The following PAG1 variants were observed in gnomAD, a reference collection of about 807,000 sequenced individuals.
PAG1 encodes the protein phosphoprotein associated with glycosphingolipid-enriched microdomains 1.
PAG1 carries 23 observed loss-of-function variants against 31.7 expected under a neutral mutation model. That is an observed-to-expected ratio of 0.73 (90% CI 0.52 to 1.03). The LOEUF (loss-of-function observed/expected upper bound fraction) is 1.03, where lower values mean the gene tolerates loss of function less well. Among genes scored for constraint, PAG1 ranks in the 50% least tolerant of loss-of-function variants. PAG1 has a pLI of 0.00. For synonymous variants in PAG1, 214 were observed against 210.3 expected (o/e 1.02, Z -0.15); for missense variants, 473 against 540.7 (o/e 0.87, Z 1.24).
intron 1 of PAG1, among the ~76,000 whole-genome samples, chr8:81,090,323 C>G (rs1809425023): frequency 6.6e-6 from 1 of 152,188 alleles, no homozygotes; most frequent in Admixed American, 6.5e-5. Flanking sequence ...CTGATGCTTT[C>G]TATATATTAG....
rs1391203175 is a variant in PAG1 at position 80,968,032 on chromosome 8, C to T, written c.*8512G>A. On this transcript the variant is annotated 3_prime_UTR_variant, in exon 9 of 9. Transcript: ENST00000220597. ...GCAGAAACATACGAAAACAAATACC[C>T]ATTTCAGTTCCTCAGGTACCATTAC... 1.3e-5 allele frequency: 2 copies of T among 152,162 alleles called. No homozygotes were observed. Among genetic ancestry groups the T allele is most frequent in the Non-Finnish European group, 2.9e-5 (2 of 68,034 alleles). 9.4% of individuals were successfully genotyped at this position (152,162 alleles called of 1,614,324 possible). A position where few individuals can be genotyped will look rare whatever the true frequency, so the allele number is the denominator to read the frequency against.
chr8:81,037,947 A>G (rs1808487432), intron 2 of PAG1, among the ~76,000 whole-genome samples: 1 of 152,220 alleles, frequency 6.6e-6, no homozygotes, highest in South Asian at 2.1e-4. Context: ...TCTTGGCCTA[A>G]TGCACATGCC....
intron 3 of PAG1, among the ~76,000 whole-genome samples, chr8:81,017,411 A>C (rs1476605118): frequency 2.6e-5 from 4 of 152,294 alleles, no homozygotes; most frequent in African/African-American, 9.6e-5. Context: ...GCGCTCAATA[A>C]ATTTTAGCTC....
chr8:81,048,218 C>T (rs2130864884), intron 2 of PAG1, among the ~76,000 whole-genome samples: 1 of 152,284 alleles, frequency 6.6e-6, no homozygotes, highest in Non-Finnish European at 1.5e-5. Flanking sequence ...TTGTTCTTTT[C>T]CTTCTGCTCT....
chr8:81,006,446 G>A (rs1807878913), intron 3 of PAG1, among the ~76,000 whole-genome samples: 1 of 152,108 alleles, frequency 6.6e-6, no homozygotes, highest in African/African-American at 2.4e-5. Context: ...CTGTAGACAA[G>A]CCTCACTGTG....
chr8:81,024,787 G>C (rs893905384), intron 3 of PAG1, among the ~76,000 whole-genome samples: 2 of 152,056 alleles, frequency 1.3e-5, no homozygotes, highest in Non-Finnish European at 1.5e-5. Context: ...AACCAAATTT[G>C]GTTCTATCAT....
chr8:81,079,582 C>G (rs943884840), intron 1 of PAG1, among the ~76,000 whole-genome samples: 1 of 152,008 alleles, frequency 6.6e-6, no homozygotes, highest in African/African-American at 2.4e-5. Flanking sequence ...CTATTTCAGA[C>G]TGAGCATATG....
intron 3 of PAG1, among the ~76,000 whole-genome samples, chr8:81,009,153 C>T (rs530896199): frequency 2.6e-5 from 4 of 152,268 alleles, no homozygotes; most frequent in South Asian, 4.1e-4. Flanking sequence ...CAATTATCTT[C>T]GTCTAGCTCT....
rs548989123 is a variant in PAG1, at chr8:80,972,519, C to A, written c.*4025G>T. On this transcript the variant is annotated 3_prime_UTR_variant, in exon 9 of 9. Transcript: ENST00000220597. ...GAAACAGAATGCCACAGGTGACCGA[C>A]CTCTGCTCCTGCTACTTGGGAGTCA... 4 of 152,308 alleles carry A rather than the reference C, an allele frequency of 2.6e-5. No individual in the cohort carries two copies. In the South Asian group the frequency reaches 8.3e-4, roughly 32 times the overall value. The allele number at this position is 152,308 out of a possible 1,614,324, so 9.4% of individuals were successfully genotyped here. A position where few individuals can be genotyped will look rare whatever the true frequency, so the allele number is the denominator to read the frequency against.
chr8:80,988,131 C>T (rs555424812), intron 5 of PAG1, among the ~76,000 whole-genome samples: 8 of 151,990 alleles, frequency 5.3e-5, no homozygotes, highest in Non-Finnish European at 8.8e-5. Context: ...GCAGAGCTTC[C>T]TGCCTGGTGA....
intron 2 of PAG1, among the ~76,000 whole-genome samples, chr8:81,055,085 T>TC (rs1808795522): frequency 6.6e-6 from 1 of 151,448 alleles, no homozygotes; most frequent in African/African-American, 2.4e-5. Context: ...CTTTTTTTTT[T>TC]TTTTTGTTGA....
In PAG1 at chr8:80,985,402, C is replaced by A. The variant is rs377724855; in HGVS notation, c.275-25G>T. ...ACTAAAGCAGCACACACATTAAAAG[C>A]GGAGAAAGGCAAGTCTTTCAATAAT... is the stretch of plus-strand genomic sequence containing the variant. On this transcript the variant is annotated intron_variant, in intron 6 of 8. Coordinates refer to ENST00000220597, the MANE Select transcript of PAG1 (RefSeq NM_018440.4). 19 of 1,566,102 alleles carry A rather than the reference C, an allele frequency of 1.2e-5. No individual in the cohort carries two copies. In the Admixed American group the frequency reaches 3.4e-4, roughly 28 times the overall value.
intron 3 of PAG1, among the ~76,000 whole-genome samples, chr8:80,998,538 A>T (rs1807727902): frequency 6.6e-6 from 1 of 151,784 alleles, no homozygotes; most frequent in Non-Finnish European, 1.5e-5. Flanking sequence ...TATGCTTGGC[A>T]TTTGAATTGT....
intron 3 of PAG1, among the ~76,000 whole-genome samples, chr8:81,007,466 A>G (rs1807903087): frequency 2.6e-5 from 1 of 38,494 alleles, no homozygotes; most frequent in Admixed American, 3.4e-4. Flanking sequence ...ATACAAAAAT[A>G]CAAAAAAAAA....
chr8:81,032,515 C>T (rs72674039), intron 2 of PAG1, among the ~76,000 whole-genome samples: 3 of 152,278 alleles, frequency 2.0e-5, no homozygotes, highest in Admixed American at 6.5e-5. Context: ...CAATGAGATA[C>T]CACTTCATAC....
At chr8:81,024,652 A>G (rs1808244751) in intron 3 of PAG1, among the ~76,000 whole-genome samples, 1 of 152,214 alleles carries the variant, frequency 6.6e-6, no homozygotes, top group South Asian at 2.1e-4. Flanking sequence ...AAGCCATGGG[A>G]AAAATTTGTT....
chr8:81,102,285 A>G (rs1187894353), intron 1 of PAG1, among the ~76,000 whole-genome samples: 2 of 152,150 alleles, frequency 1.3e-5, no homozygotes, highest in African/African-American at 4.8e-5. Flanking sequence ...ATAATTCAGA[A>G]CTAAGATAGC....
intron 1 of PAG1, among the ~76,000 whole-genome samples, chr8:81,084,048 A>G (rs1270786413): frequency 5.3e-5 from 8 of 151,896 alleles, no homozygotes; most frequent in African/African-American, 1.7e-4. Flanking sequence ...AAAAAAAAAA[A>G]GGGAATATGT....
intron 2 of PAG1, among the ~76,000 whole-genome samples, chr8:81,034,444 T>C (rs531451577): frequency 6.6e-6 from 1 of 152,314 alleles, no homozygotes; most frequent in East Asian, 1.9e-4. Context: ...GCAGCAATAT[T>C]TCCCACATGC....
Sources: gnomAD v4.1 joint callset for allele counts (sites outside exome capture counted in the v4.1 genomes callset) on GRCh38, gnomAD v4.1.1 for gene constraint, MANE v1.5 for transcripts, NCBI Gene and HGNC (gene_info 2026-07-23, HGNC 2026-07-21) for gene names.